The following LIFR variants were observed in gnomAD, a reference collection of about 807,000 sequenced individuals.
LIFR encodes the protein LIF receptor subunit alpha, also known as leukemia inhibitory factor receptor.
In LIFR, 84 loss-of-function variants were observed where a neutral mutation model predicts 122.2. The ratio of observed to expected loss-of-function variants is 0.69; its 90% CI spans 0.58 to 0.82. The LOEUF (loss-of-function observed/expected upper bound fraction) is 0.82, where lower values mean the gene tolerates loss of function less well. LIFR is among the 40% of genes least tolerant of loss of function. The pLI is 0.00. For missense variants in LIFR, 1,294 were observed against 1,311.6 expected (o/e 0.99, Z 0.21); for synonymous variants, 422 against 434.7 (o/e 0.97, Z 0.36).
intron 13 of LIFR, among the ~76,000 whole-genome samples, chr5:38,495,477 A>C (rs1028763039): frequency 2.0e-5 from 3 of 152,118 alleles, no homozygotes; most frequent in African/African-American, 7.2e-5. Context: ...GTATCTCTGA[A>C]ATGCACTTTG....
chr5:38,541,051 T>G (rs13181677), intron 1 of LIFR, among the ~76,000 whole-genome samples: 45,582 of 152,028 alleles, frequency 0.3, 7,124 homozygotes, highest in East Asian at 0.41. Flanking sequence ...TTTATGACAT[T>G]ATTTAACCCC....
intron 5 of LIFR, among the ~76,000 whole-genome samples, chr5:38,512,337 C>A (rs1246268637): frequency 6.6e-6 from 1 of 151,964 alleles, no homozygotes; most frequent in African/African-American, 2.4e-5. Flanking sequence ...CTAAAATCTG[C>A]CTGGACAGTG....
At chr5:38,519,352 A>G (rs183440718) in intron 5 of LIFR, among the ~76,000 whole-genome samples, 3 of 152,324 alleles carry the variant, frequency 2.0e-5, no homozygotes, top group Non-Finnish European at 4.4e-5. Flanking sequence ...ATTGATACAT[A>G]GTATTTATGG....
In LIFR at chr5:38,502,766, T is replaced by G; in HGVS notation, c.1471A>C (p.Ser491Arg). Reference sequence around the variant, plus strand: ...AACTTGTCCAGAGCAACAAGATAACTTGAATTTTCTACTCCTTTGATTGTG... The same window carrying G: ...AACTTGTCCAGAGCAACAAGATAACGTGAATTTTCTACTCCTTTGATTGTG... ...NVTIKGVENSSYLVALDKLNP... is the reference protein window; with the variant it reads ...NVTIKGVENSRYLVALDKLNP... Residue 491 changes from serine to arginine, a missense_variant, in exon 11 of 20, where the codon AGT (serine) becomes CGT (arginine). Coordinates refer to ENST00000453190, the MANE Select transcript of LIFR (RefSeq NM_001127671.2). 6.2e-7 allele frequency: 1 copy of G among 1,607,400 alleles called. No individual in the cohort carries two copies. The highest frequency in any genetic ancestry group is 8.5e-7 in the Non-Finnish European group (1 of 1,174,422).
chr5:38,489,273 A>C (rs776153850), intron 15 of LIFR, 28 bp from the exon 16 acceptor site: 1 of 1,572,792 alleles, frequency 6.4e-7, no homozygotes, highest in African/African-American at 1.3e-5. Flanking sequence ...CAATTGCTAA[A>C]GGGGAGTGTA....
At chr5:38,488,330 G>A (rs891135228) in intron 16 of LIFR, among the ~76,000 whole-genome samples, 2 of 152,174 alleles carry the variant, frequency 1.3e-5, no homozygotes, top group African/African-American at 4.8e-5. Flanking sequence ...TACCGTGGTG[G>A]AGTTCTCTAT....
At chr5:38,522,961 G>GA (rs1239407441) in intron 5 of LIFR, among the ~76,000 whole-genome samples, 2 of 152,044 alleles carry the variant, frequency 1.3e-5, no homozygotes, top group South Asian at 4.2e-4. Flanking sequence ...AAACAGGAAT[G>GA]AAAAAACGAG....
chr5:38,522,420 CTT>C (rs1416891446), intron 5 of LIFR, among the ~76,000 whole-genome samples: 1 of 152,178 alleles, frequency 6.6e-6, no homozygotes, highest in Admixed American at 6.5e-5. Context: ...TATTCCCTAT[CTT>C]GGTTCTTCTT....
intron 14 of LIFR, among the ~76,000 whole-genome samples, chr5:38,491,697 C>A (rs1744602395): frequency 6.6e-6 from 1 of 152,192 alleles, no homozygotes; most frequent in Non-Finnish European, 1.5e-5. Flanking sequence ...ATCATACAAC[C>A]CAAGAAAAAC....
chr5:38,597,075 C>A (rs537587495), upstream of LIFR, among the ~76,000 whole-genome samples: 1 of 152,210 alleles, frequency 6.6e-6, no homozygotes, highest in Non-Finnish European at 1.5e-5. Context: ...CAAAGGGAGC[C>A]ATTTATTGAA....
In LIFR at chr5:38,506,485, T is replaced by C. The variant is rs1164879754; in HGVS notation, c.1121+18A>G. 1 of 1,614,028 alleles carries C rather than the reference T, an allele frequency of 6.2e-7. No homozygotes were observed. The highest frequency in any genetic ancestry group is 8.5e-7 in the Non-Finnish European group (1 of 1,179,912). On this transcript the variant is annotated intron_variant, in intron 8 of 19. Transcript: ENST00000453190. The stretch of plus-strand genomic sequence containing the variant: ...ACGTACTCCTTGCCATCTGACATCT[T>C]TTCCCAGTTATCATTACCTTTCAAC...
At chr5:38,564,240 A>ATT (rs5867412) in intron 1 of LIFR, among the ~76,000 whole-genome samples, 1,501 of 146,970 alleles carry the variant, frequency 0.01, 18 homozygotes, top group Admixed American at 0.047. Context: ...CCATGATTGG[A>ATT]TTTTTTTTTT....
intron 1 of LIFR, among the ~76,000 whole-genome samples, chr5:38,569,046 C>T (rs1469321479): frequency 2.6e-5 from 4 of 152,190 alleles, no homozygotes; most frequent in Non-Finnish European, 4.4e-5. Flanking sequence ...CGAAGGCCCT[C>T]TTTTGGCAGC....
At chr5:38,605,074 C>A (rs3099120) in intron 2 of LIFR, among the ~76,000 whole-genome samples, 1 of 151,768 alleles carries the variant, frequency 6.6e-6, no homozygotes, top group African/African-American at 2.4e-5. Context: ...AGTAACAGGC[C>A]TCCGAGAGAA....
intron 14 of LIFR, among the ~76,000 whole-genome samples, chr5:38,492,127 C>T (rs1157821361): frequency 6.6e-6 from 1 of 152,126 alleles, no homozygotes; most frequent in Non-Finnish European, 1.5e-5. Context: ...AGACAATATT[C>T]CCAGCCTCTT....
chr5:38,578,987 C>G (rs1381688021), intron 1 of LIFR, among the ~76,000 whole-genome samples: 3 of 152,124 alleles, frequency 2.0e-5, no homozygotes, highest in Non-Finnish European at 4.4e-5. Flanking sequence ...ATGAGTACAC[C>G]TGTGAAAAGT....
intron 1 of LIFR, among the ~76,000 whole-genome samples, chr5:38,593,848 G>T (rs1041365944): frequency 6.6e-6 from 1 of 152,158 alleles, no homozygotes; most frequent in African/African-American, 2.4e-5. Context: ...GAGGAAGTGG[G>T]TGCTCACCAG....
In LIFR at chr5:38,479,865, T is replaced by C; in HGVS notation, c.*1730A>G. On this transcript the variant is annotated 3_prime_UTR_variant, in exon 20 of 20. Coordinates refer to ENST00000453190, the MANE Select transcript of LIFR (RefSeq NM_001127671.2). ...CATTTCTATGAACTATTATATAGTTTTAATATACTATGTATGTACAAAATG... is the reference window on the plus strand; with the variant it reads ...CATTTCTATGAACTATTATATAGTTCTAATATACTATGTATGTACAAAATG... The C allele has an allele frequency of 4.4e-6, 1 of 226,408 alleles. No individual in the cohort carries two copies. Among genetic ancestry groups the C allele is most frequent in the Non-Finnish European group, 8.8e-6 (1 of 113,862 alleles). 14.0% of individuals were successfully genotyped at this position (226,408 alleles called of 1,614,324 possible).
Position 38,504,172 on chromosome 5 carries a change from T to C in LIFR, c.1292-51A>G, listed in dbSNP as rs371765123. 232 of 1,214,400 alleles carry C rather than the reference T, an allele frequency of 1.9e-4. No individual in the cohort carries two copies. In the African/African-American group the frequency reaches 3.0e-3, roughly 16 times the overall value. The allele number at this position is 1,214,400 out of a possible 1,614,324, so 75.2% of individuals were successfully genotyped here. ...AACACTTATTTAAAGGGAAAAACTA[T>C]CTTCTAATATGACAAATGAGAAGAA... On this transcript the variant is annotated intron_variant, in intron 9 of 19. Transcript: ENST00000453190.
Sources: gnomAD v4.1 joint callset for allele counts (sites outside exome capture counted in the v4.1 genomes callset) on GRCh38, gnomAD v4.1.1 for gene constraint, MANE v1.5 for transcripts, NCBI Gene and HGNC (gene_info 2026-07-23, HGNC 2026-07-21) for gene names.